Variants in MCTP2 observed in about 807,000 individuals in gnomAD.
MCTP2 encodes the protein multiple C2 and transmembrane domain containing 2.
MCTP2 carries 132 observed loss-of-function variants against 111.6 expected under a neutral mutation model. That is an observed-to-expected ratio of 1.18 (90% CI 1.03 to 1.37). The LOEUF (loss-of-function observed/expected upper bound fraction) is 1.37, where lower values mean the gene tolerates loss of function less well. Ranked by LOEUF, MCTP2 falls within the 40% of genes most tolerant of loss-of-function variation. MCTP2 has a pLI of 0.00. For missense variants in MCTP2, 1,183 were observed against 1,067.9 expected (o/e 1.11, Z -1.50); for synonymous variants, 395 against 387.7 (o/e 1.02, Z -0.22).
At chr15:94,318,272 A>ATTTTTTT (rs199556945) in intron 4 of MCTP2, among the ~76,000 whole-genome samples, 1 of 143,128 alleles carries the variant, frequency 7.0e-6, no homozygotes, top group Non-Finnish European at 1.5e-5. Context: ...CAAAAAAAAA[A>ATTTTTTT]TTTTTTTTTT....
At chr15:94,245,381 T>TTTATATAC (rs2071810176) in intron 1 of MCTP2, among the ~76,000 whole-genome samples, 1 of 136,620 alleles carries the variant, frequency 7.3e-6, no homozygotes, top group Non-Finnish European at 1.5e-5. Context: ...TACATATGTA[T>TTTATATAC]ATGTATTTAT....
Position 94,356,131 on chromosome 15 carries a change from C to T in MCTP2, c.1006-6C>T, listed in dbSNP as rs1173015000. On this transcript the variant is annotated splice_polypyrimidine_tract_variant and splice_region_variant and intron_variant, in intron 8 of 22. Transcript: ENST00000357742. ...GTTTACATGTCATCTTTATTTTTTGCTTTAGTCCTCTTTGATACGCAACCT... is the reference window on the plus strand; with the variant it reads ...GTTTACATGTCATCTTTATTTTTTGTTTTAGTCCTCTTTGATACGCAACCT... 6.4e-7 allele frequency: 1 copy of T among 1,569,560 alleles called. No homozygotes were observed. Among genetic ancestry groups the T allele is most frequent in the African/African-American group, 1.4e-5 (1 of 72,710 alleles).
intron 19 of MCTP2, among the ~76,000 whole-genome samples, chr15:94,451,532 C>CTATT (rs1379614155): frequency 6.6e-6 from 1 of 152,218 alleles, no homozygotes; most frequent in Non-Finnish European, 1.5e-5. Context: ...GTGGCCTTCA[C>CTATT]TATTTTTATT....
intron 1 of MCTP2, among the ~76,000 whole-genome samples, chr15:94,245,246 A>G (rs1483424677): frequency 7.0e-6 from 1 of 143,108 alleles, no homozygotes; most frequent in Non-Finnish European, 1.5e-5. Context: ...GTATATATAC[A>G]CATATGTATA....
intron 1 of MCTP2, among the ~76,000 whole-genome samples, chr15:94,251,523 T>C (rs1195815988): frequency 6.6e-6 from 1 of 151,518 alleles, no homozygotes; most frequent in Non-Finnish European, 1.5e-5. Flanking sequence ...CACGCCTGGC[T>C]AATTTTTGTA....
At chr15:94,366,918 C>T (rs1156516425) in intron 10 of MCTP2, among the ~76,000 whole-genome samples, 2 of 152,180 alleles carry the variant, frequency 1.3e-5, no homozygotes, top group Non-Finnish European at 2.9e-5. Flanking sequence ...ATCCCCAGAA[C>T]ATTGGCTGTT....
chr15:94,248,602 T>C (rs775418331), intron 1 of MCTP2, among the ~76,000 whole-genome samples: 3 of 152,224 alleles, frequency 2.0e-5, no homozygotes, highest in Admixed American at 6.5e-5. Context: ...TGCCACACTG[T>C]CCTGTCATTC....
chr15:94,302,551 A>G (rs898217503), intron 2 of MCTP2, among the ~76,000 whole-genome samples: 3 of 152,194 alleles, frequency 2.0e-5, no homozygotes, highest in African/African-American at 7.2e-5. Context: ...GAAAGGATAC[A>G]TCCGTGGAAG....
At chr15:94,278,763 C>G (rs1256122014) in intron 1 of MCTP2, among the ~76,000 whole-genome samples, 1 of 151,944 alleles carries the variant, frequency 6.6e-6, no homozygotes, top group Non-Finnish European at 1.5e-5. Context: ...TCTGTCATTC[C>G]CTTCCTTGTG....
intron 10 of MCTP2, among the ~76,000 whole-genome samples, chr15:94,364,504 T>G (rs2079089059): frequency 6.6e-6 from 1 of 152,196 alleles, no homozygotes; most frequent in South Asian, 2.1e-4. Flanking sequence ...AGAAGAAGTC[T>G]AGATTCTTCT....
Position 94,355,526 on chromosome 15 carries a change from C to G in MCTP2, c.1006-611C>G, listed in dbSNP as rs149702998. 3.8e-3 allele frequency among the ~76,000 whole-genome samples: 579 copies of G among 152,292 alleles called. 4 individuals are homozygous for G. Among genetic ancestry groups the G allele is most frequent in the Non-Finnish European group, 6.0e-3 (409 of 68,028 alleles). On this transcript the variant is annotated intron_variant, in intron 8 of 22. Transcript: ENST00000357742. The stretch of plus-strand genomic sequence containing the variant: ...AAGTTATTGAACCCCTCCTGGGTCC[C>G]AGGTGCAGTGAGATGTGCTTTATAC...
chr15:94,260,026 T>G (rs1016525798), intron 1 of MCTP2, among the ~76,000 whole-genome samples: 21 of 152,180 alleles, frequency 1.4e-4, no homozygotes, highest in African/African-American at 4.8e-4. Flanking sequence ...TCAACCACTT[T>G]CTCTTCCCCT....
chr15:94,231,965 C>T (rs61995674), intron 1 of MCTP2: 1,814 of 152,302 alleles, frequency 0.012, 34 homozygotes, highest in African/African-American at 0.04. Flanking sequence ...CGGGGCGCTA[C>T]GGAGGTAGTC....
intron 1 of MCTP2, among the ~76,000 whole-genome samples, chr15:94,243,901 A>G (rs1006546831): frequency 2.8e-5 from 4 of 142,082 alleles, no homozygotes; most frequent in African/African-American, 7.6e-5. Context: ...ATATGTATAC[A>G]CATACATATG....
chr15:94,245,118 A>G (rs1397169544), intron 1 of MCTP2, among the ~76,000 whole-genome samples: 2 of 149,328 alleles, frequency 1.3e-5, no homozygotes, highest in East Asian at 2.0e-4. Context: ...ATATATGTAT[A>G]TGTATACACA....
chr15:94,282,557 T>C (rs901459451), intron 1 of MCTP2, among the ~76,000 whole-genome samples: 2 of 152,242 alleles, frequency 1.3e-5, no homozygotes, highest in African/African-American at 4.8e-5. Flanking sequence ...CATTTTAGTC[T>C]GGTTAAGCAT....
chr15:94,396,110 A>G (rs2081270178), intron 14 of MCTP2, among the ~76,000 whole-genome samples: 1 of 152,174 alleles, frequency 6.6e-6, no homozygotes, highest in Non-Finnish European at 1.5e-5. Context: ...CAATTTGAAG[A>G]GTTTATCCTG....
chr15:94,313,168 T>C (rs2076223811), intron 2 of MCTP2, among the ~76,000 whole-genome samples: 1 of 152,166 alleles, frequency 6.6e-6, no homozygotes, highest in African/African-American at 2.4e-5. Flanking sequence ...AACAGGAATA[T>C]CCTCAAATTG....
intron 8 of MCTP2, among the ~76,000 whole-genome samples, chr15:94,354,946 A>G (rs1327651424): frequency 2.0e-5 from 3 of 152,232 alleles, no homozygotes; most frequent in Non-Finnish European, 4.4e-5. Flanking sequence ...TTGCTCGACG[A>G]TGATGCTCAG....
Sources: gnomAD v4.1 joint callset for allele counts (sites outside exome capture counted in the v4.1 genomes callset) on GRCh38, gnomAD v4.1.1 for gene constraint, MANE v1.5 for transcripts, NCBI Gene and HGNC (gene_info 2026-07-23, HGNC 2026-07-21) for gene names.